The following SGCD variants were observed in gnomAD, a reference collection of about 807,000 sequenced individuals.
The protein encoded by SGCD is delta-sarcoglycan.
Under a neutral mutation model 36.6 loss-of-function variants are expected in SGCD, and 18 were observed. The observed-to-expected ratio is 0.49, with a 90% CI of 0.34 to 0.73. The LOEUF is 0.73. SGCD is among the 30% of genes least tolerant of loss of function. The pLI is 0.01. For missense variants in SGCD, 387 were observed against 346.7 expected, an observed-to-expected ratio of 1.12 and a Z score of -0.92; for synonymous variants, 133 against 130.6, an observed-to-expected ratio of 1.02 and a Z score of -0.12.
At chr5:156,407,948 A>G (rs1772513302) in intron 3 of SGCD, among the ~76,000 whole-genome samples, 1 of 152,088 alleles carries the variant, frequency 6.6e-6, no homozygotes, top group South Asian at 2.1e-4. Flanking sequence ...GTGGAGGAGG[A>G]AGATTTTTAT....
chr5:156,522,579 T>C (rs917299750), intron 4 of SGCD, among the ~76,000 whole-genome samples: 3 of 152,052 alleles, frequency 2.0e-5, no homozygotes, highest in Non-Finnish European at 4.4e-5. Flanking sequence ...CCGGGGCCTA[T>C]TGATGGGGAG....
chr5:156,078,351 T>TAACA (rs2127590704), intron 1 of SGCD, among the ~76,000 whole-genome samples: 1 of 151,368 alleles, frequency 6.6e-6, no homozygotes, highest in East Asian at 1.9e-4. Flanking sequence ...CCGTCTCTAC[T>TAACA]AACAGTACAA....
the SGCD span, among the ~76,000 whole-genome samples, chr5:155,782,950 A>G: frequency 3.9e-5 from 6 of 151,902 alleles, no homozygotes; most frequent in South Asian, 2.1e-4. Flanking sequence ...AGAGATTGGG[A>G]AAAAAAATGA....
the SGCD span, among the ~76,000 whole-genome samples, chr5:155,773,161 C>T: frequency 6.6e-6 from 1 of 152,144 alleles, no homozygotes; most frequent in Non-Finnish European, 1.5e-5. Flanking sequence ...TTGCTCACCT[C>T]TCCTGCCTTT....
chr5:155,771,644 C>A, the SGCD span, among the ~76,000 whole-genome samples: 1 of 152,060 alleles, frequency 6.6e-6, no homozygotes, highest in Non-Finnish European at 1.5e-5. Flanking sequence ...AGGCTGTTCT[C>A]GAACTCCTGA....
the SGCD span, among the ~76,000 whole-genome samples, chr5:155,728,930 C>G: frequency 4.6e-5 from 7 of 152,224 alleles, no homozygotes; most frequent in Admixed American, 6.5e-5. Context: ...CAAGGCGTTT[C>G]GCGGACTCCG....
intron 3 of SGCD, among the ~76,000 whole-genome samples, chr5:156,236,711 G>A (rs2127653995): frequency 6.6e-6 from 1 of 152,206 alleles, no homozygotes; most frequent in East Asian, 1.9e-4. Flanking sequence ...GCCTCCCAAA[G>A]TGCTGGGATT....
At chr5:155,849,446 GCA>G in the SGCD span, among the ~76,000 whole-genome samples, 29 of 149,874 alleles carry the variant, frequency 1.9e-4, no homozygotes, top group Admixed American at 2.7e-4. Context: ...ATGTGCGCGC[GCA>G]CACACACACA....
chr5:155,928,844 A>T (rs1187740487), intron 1 of SGCD, among the ~76,000 whole-genome samples: 1 of 152,172 alleles, frequency 6.6e-6, no homozygotes, highest in Non-Finnish European at 1.5e-5. Flanking sequence ...TTTATGCAAC[A>T]ACCAAAGCAA....
intron 2 of SGCD, among the ~76,000 whole-genome samples, chr5:156,335,410 T>C (rs976400617): frequency 3.3e-5 from 5 of 152,220 alleles, no homozygotes; most frequent in Non-Finnish European, 7.3e-5. Flanking sequence ...TTTGGACCTA[T>C]GTGAAACATG....
intron 1 of SGCD, among the ~76,000 whole-genome samples, chr5:155,936,494 G>A (rs1056837750): frequency 3.9e-5 from 6 of 152,126 alleles, no homozygotes; most frequent in Non-Finnish European, 8.8e-5. Flanking sequence ...GCAGAGAGGA[G>A]ACCCTGGAGT....
intron 3 of SGCD, among the ~76,000 whole-genome samples, chr5:156,295,342 CT>C (rs994659528): frequency 4.6e-5 from 7 of 151,922 alleles, no homozygotes; most frequent in African/African-American, 1.7e-4. Context: ...AATTTGAGTC[CT>C]TTTTTGCTTA....
At chr5:155,992,127 C>G (rs1015282144) in intron 1 of SGCD, among the ~76,000 whole-genome samples, 3 of 152,080 alleles carry the variant, frequency 2.0e-5, no homozygotes, top group African/African-American at 7.2e-5. Flanking sequence ...TTTTTCTCTT[C>G]TAGGTTGGAT....
At position 156,607,597 on chromosome 5, in the gene SGCD, A is replaced by T. The variant is rs547765750; in HGVS notation, c.502+12546A>T. Among the ~76,000 whole-genome samples, 6 of 152,250 alleles carry T rather than the reference A, an allele frequency of 3.9e-5. No homozygotes were observed. In the South Asian group the frequency reaches 6.2e-4, roughly 16 times the overall value. ...GGGAGGATTCCCTCTTTTTCTGTTGATTGGAATAGTTTCAGAAGGAATGGT... is the reference window on the plus strand; with the variant it reads ...GGGAGGATTCCCTCTTTTTCTGTTGTTTGGAATAGTTTCAGAAGGAATGGT... On this transcript the variant is annotated intron_variant, in intron 6 of 8. Coordinates refer to ENST00000337851, the MANE Select transcript of SGCD (RefSeq NM_000337.6).
intron 3 of SGCD, among the ~76,000 whole-genome samples, chr5:156,168,638 C>T (rs1391031621): frequency 6.6e-6 from 1 of 152,212 alleles, no homozygotes; most frequent in African/African-American, 2.4e-5. Context: ...CTTGTGTGTG[C>T]TACCAAGAAA....
intron 4 of SGCD, among the ~76,000 whole-genome samples, chr5:156,576,080 C>G (rs1286573553): frequency 6.6e-6 from 1 of 151,992 alleles, no homozygotes; most frequent in Non-Finnish European, 1.5e-5. Context: ...CCCCTGCCCC[C>G]CACCCCACAA....
chr5:156,556,101 T>C (rs1759007778), intron 4 of SGCD, among the ~76,000 whole-genome samples: 1 of 142,094 alleles, frequency 7.0e-6, no homozygotes, highest in African/African-American at 2.7e-5. Flanking sequence ...TCTAAGAAAA[T>C]ACTTTCTGAT....
At position 156,694,086 on chromosome 5, in the gene SGCD, T is replaced by G. The variant is rs186374296; in HGVS notation, c.575+46550T>G. Among the ~76,000 whole-genome samples, 175 of 152,328 alleles carry G rather than the reference T, an allele frequency of 1.1e-3. 1 individual carries two copies. The highest frequency in any genetic ancestry group is 1.4e-3 in the Non-Finnish European group (98 of 68,034). On this transcript the variant is annotated intron_variant, in intron 7 of 8. Transcript: ENST00000337851. ...GACATCTGCAATTGCAACCTGGATT[T>G]TTTGAACTCTAAGAGGTTCTATGGT...
At chr5:156,478,859 G>A (rs1755305153) in intron 3 of SGCD, among the ~76,000 whole-genome samples, 1 of 152,006 alleles carries the variant, frequency 6.6e-6, no homozygotes, top group Non-Finnish European at 1.5e-5. Flanking sequence ...GGGATTATAG[G>A]GCTGAGCCAC....
Sources: allele counts gnomAD v4.1 joint callset (sites outside exome capture counted in the v4.1 genomes callset), GRCh38; gene constraint gnomAD v4.1.1; transcripts MANE v1.5; gene names NCBI Gene and HGNC (gene_info 2026-07-23, HGNC 2026-07-21).